The following CACNA2D3 variants were observed in gnomAD, a reference collection of about 807,000 sequenced individuals.
CACNA2D3 encodes the protein voltage-dependent calcium channel subunit alpha-2/delta-3.
CACNA2D3 carries 60 observed loss-of-function variants against 160.6 expected under a neutral mutation model. The ratio of observed to expected loss-of-function variants is 0.37; its 90% CI spans 0.30 to 0.46. CACNA2D3 has a LOEUF of 0.46. Ranked by LOEUF, CACNA2D3 falls within the 20% of genes least tolerant of loss-of-function variation. The pLI, the probability that CACNA2D3 is intolerant of heterozygous loss-of-function variation, is 1.00. For synonymous variants in CACNA2D3, 558 were observed against 492.9 expected (o/e 1.13, Z -1.75); for missense variants, 1,205 against 1,365.0 (o/e 0.88, Z 1.85).
At chr3:54,901,369 A>C (rs1001562512) in intron 27 of CACNA2D3, 1 of 152,200 alleles carries the variant, frequency 6.6e-6, no homozygotes, top group African/African-American at 2.4e-5. Flanking sequence ...ACCTCTGTCC[A>C]AGTTTACAAA....
intron 11 of CACNA2D3, among the ~76,000 whole-genome samples, chr3:54,653,791 C>T (rs1413533179): frequency 6.6e-6 from 1 of 152,192 alleles, no homozygotes; most frequent in African/African-American, 2.4e-5. Context: ...GTTTCTCTTC[C>T]TGGGTGTGGC....
intron 35 of CACNA2D3, among the ~76,000 whole-genome samples, chr3:55,069,061 C>T (rs1704738628): frequency 6.6e-6 from 1 of 152,096 alleles, no homozygotes; most frequent in South Asian, 2.1e-4. Flanking sequence ...TCATTATTTT[C>T]ACTTATACTT....
intron 2 of CACNA2D3, among the ~76,000 whole-genome samples, chr3:54,306,985 A>G (rs192251612): frequency 5.9e-5 from 9 of 152,106 alleles, no homozygotes; most frequent in Non-Finnish European, 8.8e-5. Flanking sequence ...CCCTGCCGAC[A>G]CAAAGATCAA....
intron 29 of CACNA2D3, among the ~76,000 whole-genome samples, chr3:54,976,478 A>G (rs1206666489): frequency 6.6e-6 from 1 of 152,054 alleles, no homozygotes; most frequent in African/African-American, 2.4e-5. Context: ...AACTTAAAGT[A>G]TAATAATAAT....
intron 26 of CACNA2D3, among the ~76,000 whole-genome samples, chr3:54,897,309 C>G (rs1430432060): frequency 6.6e-6 from 1 of 152,160 alleles, no homozygotes; most frequent in African/African-American, 2.4e-5. Context: ...CTTTGTATAA[C>G]CATGTGCTCT....
At chr3:54,632,132 C>A (rs552642429) in intron 10 of CACNA2D3, 14 of 152,330 alleles carry the variant, frequency 9.2e-5, no homozygotes, top group Admixed American at 5.9e-4. Flanking sequence ...TATTACTCAT[C>A]AAACCATTTG....
intron 11 of CACNA2D3, among the ~76,000 whole-genome samples, chr3:54,676,167 C>T (rs575090371): frequency 4.6e-5 from 7 of 152,190 alleles, no homozygotes; most frequent in Non-Finnish European, 7.3e-5. Flanking sequence ...AGACCTAACA[C>T]GATTCTTGGC....
At chr3:54,833,563 C>T (rs905307136) in intron 14 of CACNA2D3, among the ~76,000 whole-genome samples, 2 of 151,818 alleles carry the variant, frequency 1.3e-5, no homozygotes, top group South Asian at 4.2e-4. Context: ...CCATAGTTGG[C>T]TGCATAACTT....
intron 2 of CACNA2D3, among the ~76,000 whole-genome samples, chr3:54,316,141 A>ATTGT (rs1553620027): frequency 6.6e-6 from 1 of 151,522 alleles, no homozygotes; most frequent in Non-Finnish European, 1.5e-5. Context: ...GTAAGCAGTT[A>ATTGT]CTGTCATACG....
chr3:54,937,168 C>T lies in CACNA2D3; in HGVS notation c.2450-31282C>T, dbSNP rs530507565. Among the ~76,000 whole-genome samples the T allele has an allele frequency of 6.4e-4, 97 of 152,208 alleles. 1 individual carries two copies. The highest frequency in any genetic ancestry group is 1.9e-4 in the Non-Finnish European group (13 of 68,030). On this transcript the variant is annotated intron_variant, in intron 27 of 37. Transcript: ENST00000474759. ...AAGGTGTGCTCAAGGGACTCTCATT[C>T]TGGACCCCTTTGTGTGTATTCTTTC...
intron 4 of CACNA2D3, among the ~76,000 whole-genome samples, chr3:54,439,868 A>G (rs1371696808): frequency 6.6e-6 from 1 of 152,028 alleles, no homozygotes; most frequent in Non-Finnish European, 1.5e-5. Context: ...CTGCCCCACA[A>G]CTGTCTGCAG....
At chr3:55,003,942 C>A (rs1006840920) in intron 31 of CACNA2D3, among the ~76,000 whole-genome samples, 2 of 152,120 alleles carry the variant, frequency 1.3e-5, no homozygotes, top group Non-Finnish European at 2.9e-5. Flanking sequence ...GTCGGAGAAA[C>A]TTTGAGACTG....
intron 4 of CACNA2D3, among the ~76,000 whole-genome samples, chr3:54,464,771 G>A (rs952437522): frequency 7.2e-5 from 11 of 152,206 alleles, no homozygotes; most frequent in Non-Finnish European, 2.9e-5. Flanking sequence ...CGCACGGTGC[G>A]CTGCACGCAC....
At chr3:54,701,081 A>G (rs961495963) in intron 11 of CACNA2D3, among the ~76,000 whole-genome samples, 4 of 152,240 alleles carry the variant, frequency 2.6e-5, no homozygotes, top group African/African-American at 4.8e-5. Context: ...GGTTCTTTTC[A>G]TGAGTGCTTG....
At chr3:54,935,581 A>G (rs1469065338) in intron 27 of CACNA2D3, among the ~76,000 whole-genome samples, 2 of 152,164 alleles carry the variant, frequency 1.3e-5, no homozygotes, top group Non-Finnish European at 2.9e-5. Flanking sequence ...CCAGGAATAT[A>G]AATTGGAATC....
intron 4 of CACNA2D3, among the ~76,000 whole-genome samples, chr3:54,468,688 C>T (rs2106867256): frequency 6.6e-6 from 1 of 152,348 alleles, no homozygotes; most frequent in Non-Finnish European, 1.5e-5. Flanking sequence ...GATTGAAATT[C>T]TTGCTGCTAG....
intron 3 of CACNA2D3, among the ~76,000 whole-genome samples, chr3:54,359,035 G>A (rs1698698487): frequency 6.6e-6 from 1 of 152,036 alleles, no homozygotes; most frequent in African/African-American, 2.4e-5. Context: ...TACGGGGAGA[G>A]ATGAGGTAGT....
intron 35 of CACNA2D3, among the ~76,000 whole-genome samples, chr3:55,043,830 C>T (rs995724446): frequency 1.5e-4 from 23 of 152,284 alleles, no homozygotes; most frequent in African/African-American, 5.5e-4. Context: ...TGTGATTTAG[C>T]ATTATGGATA....
At chr3:54,791,213 C>T (rs957313655) in intron 13 of CACNA2D3, among the ~76,000 whole-genome samples, 1 of 152,160 alleles carries the variant, frequency 6.6e-6, no homozygotes, top group Non-Finnish European at 1.5e-5. Flanking sequence ...TGCTAACATC[C>T]GTGTGCATAT....
Sources: gnomAD v4.1 joint callset for allele counts (sites outside exome capture counted in the v4.1 genomes callset) on GRCh38, gnomAD v4.1.1 for gene constraint, MANE v1.5 for transcripts, NCBI Gene and HGNC (gene_info 2026-07-23, HGNC 2026-07-21) for gene names.